Variants in PIAS1 observed in about 807,000 individuals in gnomAD.
PIAS1 encodes protein inhibitor of activated STAT 1.
PIAS1 carries 6 observed loss-of-function variants against 71.3 expected under a neutral mutation model. The ratio of observed to expected loss-of-function variants is 0.08; its 90% confidence interval spans 0.05 to 0.17. The LOEUF (loss-of-function observed/expected upper bound fraction) is 0.17, where lower values mean the gene tolerates loss of function less well. Ranked by LOEUF, PIAS1 falls within the 10% of genes least tolerant of loss-of-function variation. The pLI is 1.00. For synonymous variants in PIAS1, 303 were observed against 292.9 expected (o/e 1.03, Z -0.35); for missense variants, 555 against 793.6 (o/e 0.70, Z 3.61).
At chr15:68,076,876 A>G (rs771216732) in intron 1 of PIAS1, among the ~76,000 whole-genome samples, 7 of 152,314 alleles carry the variant, frequency 4.6e-5, no homozygotes, top group Middle Eastern at 3.4e-3. Flanking sequence ...CTCAAAATCT[A>G]TGGGAGGACA....
At chr15:68,154,367 C>T (rs887489301) in intron 7 of PIAS1, among the ~76,000 whole-genome samples, 3 of 152,088 alleles carry the variant, frequency 2.0e-5, no homozygotes, top group East Asian at 1.9e-4. Flanking sequence ...CTAAGTTCTT[C>T]GTTTATTCTT....
chr15:68,055,842 G>A, intron 1 of PIAS1: 2 of 691,630 alleles, frequency 2.9e-6, no homozygotes, highest in Middle Eastern at 4.6e-4. Context: ...TTTTCCTGTG[G>A]AATATCCTCA....
chr15:68,181,838 C>T (rs763690098), intron 12 of PIAS1: 138 of 156,646 alleles, frequency 8.8e-4, no homozygotes, highest in Non-Finnish European at 1.7e-3. Context: ...CACTACCACA[C>T]CAGGCTAATG....
chr15:68,177,853 G>A (rs1448728652), intron 11 of PIAS1, among the ~76,000 whole-genome samples: 1 of 152,162 alleles, frequency 6.6e-6, no homozygotes, highest in African/African-American at 2.4e-5. Context: ...CCCTTTTTAG[G>A]TATAAAGCAG....
At chr15:68,151,145 A>G (rs2092840972) in intron 6 of PIAS1, among the ~76,000 whole-genome samples, 1 of 152,034 alleles carries the variant, frequency 6.6e-6, no homozygotes, top group African/African-American at 2.4e-5. Flanking sequence ...CTGTCTACCT[A>G]GAAAAGAATC....
Position 68,188,582 on chromosome 15 carries a change from A to C in PIAS1, c.*747A>C, listed in dbSNP as rs2093102874. 2 of 152,198 alleles carry C rather than the reference A, an allele frequency of 1.3e-5. No individual in the cohort carries two copies. Among genetic ancestry groups the C allele is most frequent in the African/African-American group, 4.8e-5 (2 of 41,434 alleles). 9.4% of individuals were successfully genotyped at this position (152,198 alleles called of 1,614,324 possible). On this transcript the variant is annotated 3_prime_UTR_variant, in exon 14 of 14. Coordinates refer to ENST00000249636, the MANE Select transcript of PIAS1 (RefSeq NM_016166.3). ...CATCTTTATCAACTATCCCAATTGCATGTTCTCCATCACATATTCTCTTAT... is the reference window on the plus strand; with the variant it reads ...CATCTTTATCAACTATCCCAATTGCCTGTTCTCCATCACATATTCTCTTAT...
intron 2 of PIAS1, among the ~76,000 whole-genome samples, chr15:68,113,516 G>A (rs944644749): frequency 6.6e-6 from 1 of 152,090 alleles, no homozygotes; most frequent in Non-Finnish European, 1.5e-5. Context: ...CAGCCTAATG[G>A]TCTGCCAGCT....
chr15:68,153,447 G>C (rs1419932376), intron 6 of PIAS1, 143 bp from the exon 7 acceptor site: 1 of 532,442 alleles, frequency 1.9e-6, no homozygotes, highest in Non-Finnish European at 3.3e-6. Flanking sequence ...ATGAATTACT[G>C]TTCATGAAAA....
intron 1 of PIAS1, chr15:68,055,177 G>A: frequency 2.0e-6 from 2 of 984,846 alleles, no homozygotes; most frequent in Non-Finnish European, 2.4e-6. Flanking sequence ...GAGGGTGAGA[G>A]GAGCCTTTGG....
Position 68,054,451 on chromosome 15 carries a change from A to G in PIAS1, c.24+101A>G. On this transcript the variant is annotated intron_variant, in intron 1 of 13. Coordinates refer to ENST00000249636, the MANE Select transcript of PIAS1 (RefSeq NM_016166.3). This position sits in a 1 kb window ranked among gnomAD's most constrained non-coding sequence, Gnocchi z 4.6. ...GACCCTGGGGGGCCTCTCGGGCCTGACTCCACCCGGGCCTGGAGTTGTAGG... is the reference window on the plus strand; with the variant it reads ...GACCCTGGGGGGCCTCTCGGGCCTGGCTCCACCCGGGCCTGGAGTTGTAGG... 1 of 1,277,748 alleles carries G rather than the reference A, an allele frequency of 7.8e-7. No individual in the cohort carries two copies. Among genetic ancestry groups the G allele is most frequent in the Non-Finnish European group, 1.1e-6 (1 of 907,086 alleles). 79.2% of individuals were successfully genotyped at this position (1,277,748 alleles called of 1,614,324 possible).
intron 1 of PIAS1, among the ~76,000 whole-genome samples, chr15:68,071,860 G>T (rs2092100630): frequency 6.6e-6 from 1 of 151,256 alleles, no homozygotes; most frequent in Admixed American, 6.6e-5. Context: ...AGGTGGGAGG[G>T]CTGCTTGAGC....
At chr15:68,094,761 G>T (rs964899160) in intron 2 of PIAS1, among the ~76,000 whole-genome samples, 1 of 152,100 alleles carries the variant, frequency 6.6e-6, no homozygotes, top group Non-Finnish European at 1.5e-5. Context: ...CTCTATACTT[G>T]AATTTTGGGA....
chr15:68,151,738 T>C (rs2092847109), intron 6 of PIAS1, among the ~76,000 whole-genome samples: 1 of 146,144 alleles, frequency 6.8e-6, no homozygotes, highest in African/African-American at 2.6e-5. Context: ...TGCACACTTG[T>C]AGTCCCAGTT....
At position 68,060,477 on chromosome 15, in the gene PIAS1, G is replaced by C. The variant is rs185791839; in HGVS notation, c.24+6127G>C. ...AAAATACAAAAATTAGCCGGGCGTG[G>C]TGGTGCGCACCTGTAATCTCAGCTA... On this transcript the variant is annotated intron_variant, in intron 1 of 13. Transcript: ENST00000249636. Among the ~76,000 whole-genome samples, 132 of 152,130 alleles carry C rather than the reference G, an allele frequency of 8.7e-4. 2 individuals carry two copies. Among genetic ancestry groups the C allele is most frequent in the African/African-American group, 3.1e-3 (128 of 41,498 alleles).
chr15:68,094,037 T>C (rs74020029), intron 2 of PIAS1, among the ~76,000 whole-genome samples: 5,003 of 152,242 alleles, frequency 0.033, 199 homozygotes, highest in African/African-American at 0.093. Context: ...TTTTATTTTT[T>C]TCATTTTTAA....
At chr15:68,160,524 A>G (rs1456245071) in intron 7 of PIAS1, among the ~76,000 whole-genome samples, 1 of 152,168 alleles carries the variant, frequency 6.6e-6, no homozygotes. Context: ...GTAAGTCTTG[A>G]AATCAGTTAG....
chr15:68,182,841 G>A (rs1032684518), intron 12 of PIAS1, among the ~76,000 whole-genome samples: 7 of 152,130 alleles, frequency 4.6e-5, no homozygotes, highest in Admixed American at 1.3e-4. Context: ...TGTTGTAATC[G>A]GTTATAATGT....
intron 2 of PIAS1, among the ~76,000 whole-genome samples, chr15:68,089,184 G>T (rs1567036220): frequency 6.6e-6 from 1 of 152,140 alleles, no homozygotes; most frequent in Non-Finnish European, 1.5e-5. Flanking sequence ...CAGTAGTTCT[G>T]ATAATTCCCA....
chr15:68,073,116 T>C (rs981567063), intron 1 of PIAS1, among the ~76,000 whole-genome samples: 7 of 152,080 alleles, frequency 4.6e-5, no homozygotes, highest in Admixed American at 1.3e-4. Flanking sequence ...CCTGGGTTCA[T>C]GCCATTCTCC....
Sources: allele counts gnomAD v4.1 joint callset (sites outside exome capture counted in the v4.1 genomes callset), GRCh38; gene constraint gnomAD v4.1.1; non-coding constraint Gnocchi (gnomAD v3.1); transcripts MANE v1.5; gene names NCBI Gene and HGNC (gene_info 2026-07-23, HGNC 2026-07-21).